The following PDK1 variants were observed in gnomAD, a reference collection of about 807,000 sequenced individuals.
The protein encoded by PDK1 is pyruvate dehydrogenase kinase 1.
PDK1 carries 39 observed loss-of-function variants against 54.2 expected under a neutral mutation model. The ratio of observed to expected loss-of-function variants is 0.72; its 90% CI spans 0.56 to 0.94. The LOEUF (loss-of-function observed/expected upper bound fraction) is 0.94, where lower values mean the gene tolerates loss of function less well. PDK1 is among the 40% of genes least tolerant of loss of function. The pLI is 0.00. For synonymous variants in PDK1, 221 were observed against 207.1 expected (o/e 1.07, Z -0.58); for missense variants, 552 against 566.0 (o/e 0.98, Z 0.25).
rs1422026789 is a variant in PDK1, at chr2:172,596,860, A to G, written c.*891A>G. 1 of 152,228 alleles carries G rather than the reference A, an allele frequency of 6.6e-6. No individual in the cohort carries two copies. The highest frequency in any genetic ancestry group is 1.5e-5 in the Non-Finnish European group (1 of 68,030). The allele number at this position is 152,228 out of a possible 1,614,324, so 9.4% of individuals were successfully genotyped here. A position where few individuals can be genotyped will look rare whatever the true frequency, so the allele number is the denominator to read the frequency against. On this transcript the variant is annotated 3_prime_UTR_variant, in exon 11 of 11. Transcript: ENST00000282077. The stretch of plus-strand genomic sequence containing the variant: ...AAATCTCACTTTTTAAAATGCTTCC[A>G]AGGTAAGTCTGATGCCTACCCTAGG...
the PDK1 span, among the ~76,000 whole-genome samples, chr2:172,672,062 A>G: frequency 6.6e-6 from 1 of 152,192 alleles, no homozygotes; most frequent in Non-Finnish European, 1.5e-5. Context: ...GAATCTTGGT[A>G]AGGAGAGCGT....
Position 172,562,202 on chromosome 2 carries a change from T to A in PDK1, c.339-18T>A. ...AGAATATAAAAGAACAAACTTATCC[T>A]ATTGATCTGCATTTTAGGTATATCC... is the stretch of plus-strand genomic sequence containing the variant. On this transcript the variant is annotated intron_variant, in intron 2 of 10. Transcript: ENST00000282077. 7.2e-7 allele frequency: 1 copy of A among 1,394,424 alleles called. No homozygotes were observed. Among genetic ancestry groups the A allele is most frequent in the South Asian group, 1.2e-5 (1 of 83,358 alleles). The allele number at this position is 1,394,424 out of a possible 1,614,324, so 86.4% of individuals were successfully genotyped here.
chr2:172,628,553 G>T, the PDK1 span, among the ~76,000 whole-genome samples: 2 of 152,130 alleles, frequency 1.3e-5, no homozygotes, highest in African/African-American at 4.8e-5. Flanking sequence ...TTTGATATAT[G>T]GCCTTGGTTA....
chr2:172,685,075 C>T, the PDK1 span, among the ~76,000 whole-genome samples: 2 of 152,174 alleles, frequency 1.3e-5, no homozygotes, highest in African/African-American at 4.8e-5. Context: ...GCTTGCTTCC[C>T]CTTCACTTTC....
the PDK1 span, among the ~76,000 whole-genome samples, chr2:172,672,023 A>T: frequency 6.6e-6 from 1 of 152,214 alleles, no homozygotes; most frequent in East Asian, 1.9e-4. Flanking sequence ...ACCTCCAGAA[A>T]GATAAGCACC....
chr2:172,616,195 G>GT, the PDK1 span, among the ~76,000 whole-genome samples: 4,866 of 152,200 alleles, frequency 0.032, 130 homozygotes, highest in South Asian at 0.14. Context: ...CAATTTAGCA[G>GT]TTTTTTTGTA....
chr2:172,714,720 T>G, the PDK1 span, among the ~76,000 whole-genome samples: 1 of 152,178 alleles, frequency 6.6e-6, no homozygotes, highest in Non-Finnish European at 1.5e-5. Flanking sequence ...TCAATAGATA[T>G]GTATTACTTA....
the PDK1 span, among the ~76,000 whole-genome samples, chr2:172,703,739 CCTTTTTTT>C: frequency 7.2e-6 from 1 of 139,110 alleles, no homozygotes; most frequent in Admixed American, 7.0e-5. Flanking sequence ...CTTTCTTTTT[CCTTTTTTT>C]CTTTTTCTTT....
the PDK1 span, among the ~76,000 whole-genome samples, chr2:172,654,374 G>T: frequency 6.6e-6 from 1 of 152,164 alleles, no homozygotes; most frequent in Non-Finnish European, 1.5e-5. Context: ...CAACCCAAAT[G>T]TCCATCAGTG....
At chr2:172,625,869 A>G in the PDK1 span, among the ~76,000 whole-genome samples, 4 of 152,228 alleles carry the variant, frequency 2.6e-5, no homozygotes, top group East Asian at 7.7e-4. Flanking sequence ...TATATATCAT[A>G]TGTACATATA....
chr2:172,686,927 G>T, the PDK1 span, among the ~76,000 whole-genome samples: 2 of 152,260 alleles, frequency 1.3e-5, no homozygotes, highest in South Asian at 2.1e-4. Flanking sequence ...CATACCATCT[G>T]TCTTTGATAT....
chr2:172,715,271 T>A, the PDK1 span, among the ~76,000 whole-genome samples: 1 of 152,086 alleles, frequency 6.6e-6, no homozygotes, highest in Non-Finnish European at 1.5e-5. Context: ...AGAAGTTGGG[T>A]CAAGGTGACT....
the PDK1 span, among the ~76,000 whole-genome samples, chr2:172,676,359 A>T: frequency 6.6e-6 from 1 of 152,214 alleles, no homozygotes; most frequent in African/African-American, 2.4e-5. Flanking sequence ...AGGATTCACT[A>T]TTCTAGGTGC....
the PDK1 span, among the ~76,000 whole-genome samples, chr2:172,631,699 G>T: frequency 6.6e-6 from 1 of 152,032 alleles, no homozygotes; most frequent in African/African-American, 2.4e-5. Context: ...CATACATGGG[G>T]ACAAAGGTAT....
At chr2:172,580,248 T>C (rs1689828330) in intron 8 of PDK1, among the ~76,000 whole-genome samples, 1 of 151,802 alleles carries the variant, frequency 6.6e-6, no homozygotes, top group Non-Finnish European at 1.5e-5. Flanking sequence ...CTTTTTTTTT[T>C]TTTTTTTTAG....
the PDK1 span, among the ~76,000 whole-genome samples, chr2:172,632,280 TA>T: frequency 0.033 from 4,771 of 144,282 alleles, 120 homozygotes; most frequent in South Asian, 0.15. Flanking sequence ...TAAAAAAAAT[TA>T]AAAAAAAAAA....
At chr2:172,711,865 C>CAA in the PDK1 span, among the ~76,000 whole-genome samples, 1,683 of 22,694 alleles carry the variant, frequency 0.074, 290 homozygotes, top group African/African-American at 0.14. Context: ...GAACCTAGCT[C>CAA]AAAAAAAAAA....
chr2:172,634,462 AG>A, the PDK1 span, among the ~76,000 whole-genome samples: 1 of 151,482 alleles, frequency 6.6e-6, no homozygotes, highest in African/African-American at 2.4e-5. Flanking sequence ...TAGTAGAGAC[AG>A]GGTTTCACCA....
intron 2 of PDK1, among the ~76,000 whole-genome samples, chr2:172,561,309 G>A (rs1688643598): frequency 6.6e-6 from 1 of 152,206 alleles, no homozygotes; most frequent in Non-Finnish European, 1.5e-5. Context: ...GAAATTAAGG[G>A]TTAAAGCAAA....
Sources: gnomAD v4.1 joint callset for allele counts (sites outside exome capture counted in the v4.1 genomes callset) on GRCh38, gnomAD v4.1.1 for gene constraint, MANE v1.5 for transcripts, NCBI Gene and HGNC (gene_info 2026-07-23, HGNC 2026-07-21) for gene names.